The following ZCCHC14 variants were observed in gnomAD, a reference collection of about 807,000 sequenced individuals.
ZCCHC14 encodes zinc finger CCHC domain-containing protein 14.
A neutral mutation model predicts 85.0 loss-of-function variants in ZCCHC14; 16 were observed. The ratio of observed to expected loss-of-function variants is 0.19; its 90% confidence interval spans 0.13 to 0.29. The LOEUF is 0.29. Among genes scored for constraint, ZCCHC14 ranks in the 10% least tolerant of loss-of-function variants. The probability of loss-of-function intolerance (pLI) is 1.00; values close to 1 mark genes in which losing one functional copy is unlikely to be tolerated. For synonymous variants in ZCCHC14, 775 were observed against 630.7 expected, an observed-to-expected ratio of 1.23 and a Z score of -3.43; for missense variants, 1,303 against 1,443.5, an observed-to-expected ratio of 0.90 and a Z score of 1.58.
chr16:87,488,658 G>A (rs546705396), intron 1 of ZCCHC14, among the ~76,000 whole-genome samples: 1 of 152,138 alleles, frequency 6.6e-6, no homozygotes, highest in Non-Finnish European at 1.5e-5. Context: ...CTCACCTACA[G>A]CCTCTACCTC....
intron 3 of ZCCHC14, among the ~76,000 whole-genome samples, chr16:87,428,333 A>C (rs1178824361): frequency 6.6e-6 from 1 of 152,210 alleles, no homozygotes; most frequent in South Asian, 2.1e-4. Context: ...TTTTAGAAAA[A>C]AACGTTTCTT....
At chr16:87,481,125 AG>A (rs2150775493) in intron 1 of ZCCHC14, among the ~76,000 whole-genome samples, 1 of 152,278 alleles carries the variant, frequency 6.6e-6, no homozygotes, top group East Asian at 1.9e-4. Flanking sequence ...GACCCAGGCC[AG>A]GGAGACCAAA....
chr16:87,451,616 G>A (rs943321256), intron 2 of ZCCHC14, among the ~76,000 whole-genome samples: 2 of 152,190 alleles, frequency 1.3e-5, no homozygotes, highest in African/African-American at 4.8e-5. Flanking sequence ...TAAGCGCAGC[G>A]CCAGCCATAA....
At chr16:87,431,472 G>GAAAAAAAAAA (rs537437083) in intron 3 of ZCCHC14, among the ~76,000 whole-genome samples, 4 of 76,726 alleles carry the variant, frequency 5.2e-5, no homozygotes, top group Non-Finnish European at 8.6e-5. Context: ...GGCTCTGTCT[G>GAAAAAAAAAA]AAAAAAAAAA....
chr16:87,429,932 T>TTTTGAGAA (rs1909566143), intron 3 of ZCCHC14, among the ~76,000 whole-genome samples: 1 of 152,222 alleles, frequency 6.6e-6, no homozygotes, highest in Non-Finnish European at 1.5e-5. Flanking sequence ...TAAAAAAAAG[T>TTTTGAGAA]TTTGAGAATT....
intron 6 of ZCCHC14, 55 bp downstream of exon 6, chr16:87,419,728 G>A (rs1325193461): frequency 8.5e-6 from 12 of 1,411,258 alleles, no homozygotes; most frequent in Middle Eastern, 2.2e-4. Context: ...GAGCCACTGC[G>A]CCCAGCTGTT....
intron 3 of ZCCHC14, among the ~76,000 whole-genome samples, chr16:87,432,559 G>C (rs1909714682): frequency 6.6e-6 from 1 of 152,144 alleles, no homozygotes; most frequent in African/African-American, 2.4e-5. Flanking sequence ...CTCAGGTTCT[G>C]ATGGGGTACA....
rs931421467 is a variant in ZCCHC14 at position 87,411,663 on chromosome 16, C to T, written c.3058G>A (p.Ala1020Thr). 3 of 1,613,916 alleles carry T rather than the reference C, an allele frequency of 1.9e-6. No individual in the cohort carries two copies. In the African/African-American group the frequency reaches 4.0e-5, roughly 22 times the overall value. ...PPMQNFMAGT[A>T]GVYQTQGLVG... ...AGTCCTTGGGTCTGGTACACCCCTG[C>T]TGTCCCTGCCATGAAGTTCTGCATG... The change falls in exon 12 of 13, where the codon GCA (alanine) becomes ACA (threonine). Residue 1020 changes from alanine (A) to threonine (T), a missense_variant. Physicochemically the swap from Ala to Thr is moderately conservative, Grantham distance 58. Coordinates refer to ENST00000671377, the MANE Select transcript of ZCCHC14 (RefSeq NM_015144.3).
intron 2 of ZCCHC14, among the ~76,000 whole-genome samples, chr16:87,451,017 G>C (rs1910673862): frequency 1.3e-5 from 2 of 151,966 alleles, no homozygotes; most frequent in African/African-American, 4.8e-5. Flanking sequence ...TCCTGCCTTA[G>C]CCTCCCGAGT....
chr16:87,462,149 C>A (rs1167683856), intron 1 of ZCCHC14, among the ~76,000 whole-genome samples: 1 of 150,414 alleles, frequency 6.6e-6, no homozygotes, highest in Non-Finnish European at 1.5e-5. Flanking sequence ...CCTAGCCATG[C>A]AGCAACTCCT....
At position 87,408,011 on chromosome 16, in the gene ZCCHC14, G is replaced by A. The variant is rs902839913; in HGVS notation, c.*2269C>T. On this transcript the variant is annotated 3_prime_UTR_variant, in exon 13 of 13. Transcript: ENST00000671377. ...CACGCCGCCCATGCACGTTCAAGAC[G>A]ACTGGCAGCTCCGCAGAGGCCTTCG... The A allele has an allele frequency of 5.9e-5, 9 of 152,662 alleles. No individual in the cohort carries two copies. Among genetic ancestry groups the A allele is most frequent in the African/African-American group, 1.7e-4 (7 of 41,456 alleles). 9.5% of individuals were successfully genotyped at this position (152,662 alleles called of 1,614,324 possible). A position where few individuals can be genotyped will look rare whatever the true frequency, so the allele number is the denominator to read the frequency against.
At chr16:87,443,905 C>T (rs188873311) in intron 2 of ZCCHC14, among the ~76,000 whole-genome samples, 152 of 152,038 alleles carry the variant, frequency 1.0e-3, no homozygotes, top group African/African-American at 3.6e-3. Flanking sequence ...GGTGTGATGG[C>T]CCATGCCTGT....
At chr16:87,433,070 GGTAA>G in intron 3 of ZCCHC14, 54 bp downstream of exon 3, 1 of 1,546,160 alleles carries the variant, frequency 6.5e-7, no homozygotes, top group Middle Eastern at 1.7e-4. Flanking sequence ...GCATCTCCAG[GGTAA>G]GTGTTTTCTT....
At chr16:87,489,904 G>A (rs1052327269) in intron 1 of ZCCHC14, among the ~76,000 whole-genome samples, 3 of 151,810 alleles carry the variant, frequency 2.0e-5, no homozygotes, top group South Asian at 2.1e-4. Flanking sequence ...TGTAGCAACA[G>A]CCATAGAAAT....
chr16:87,492,822 G>A lies in ZCCHC14; in HGVS notation c.-584C>T, dbSNP rs1267209995. The stretch of plus-strand genomic sequence containing the variant: ...CGCGAAACGGACGCTGGAGGGGGAG[G>A]GACGCGCGGCGGGAGGCGCGGAGGG... On this transcript the variant is annotated 5_prime_UTR_variant, in exon 1 of 13. Coordinates refer to ENST00000671377, the MANE Select transcript of ZCCHC14 (RefSeq NM_015144.3). This position sits in a 1 kb window ranked among gnomAD's most constrained non-coding sequence, Gnocchi z 6.7. Among the ~76,000 whole-genome samples, 3 of 147,636 alleles carry A rather than the reference G, an allele frequency of 2.0e-5. No individual in the cohort carries two copies. Among genetic ancestry groups the A allele is most frequent in the Admixed American group, 1.3e-4 (2 of 14,880 alleles).
In ZCCHC14 at chr16:87,412,735, G is replaced by A. The variant is rs373404629; in HGVS notation, c.1986C>T (p.Leu662=). ...KPERGSADMK[L]LSSSVHSLLS... ...AAAGTGAGTGCACAGAAGACGAGAG[G>A]AGCTTCATGTCCGCGCTCCCTCTTT... Residue 662 remains leucine, a synonymous_variant, in exon 12 of 13, where the codon CTC becomes CTT. Coordinates refer to ENST00000671377, the MANE Select transcript of ZCCHC14 (RefSeq NM_015144.3). 8 of 1,614,088 alleles carry A rather than the reference G, an allele frequency of 5.0e-6. No individual in the cohort carries two copies. The highest frequency in any genetic ancestry group is 5.9e-6 in the Non-Finnish European group (7 of 1,180,044).
Position 87,412,644 on chromosome 16 carries a change from C to G in ZCCHC14, c.2077G>C (p.Gly693Arg), listed in dbSNP as rs760158105. 15 of 1,614,088 alleles carry G rather than the reference C, an allele frequency of 9.3e-6. No homozygotes were observed. In the South Asian group the frequency reaches 1.5e-4, roughly 17 times the overall value. The change falls in exon 12 of 13, where the codon GGC (glycine) becomes CGC (arginine). Residue 693 changes from glycine (G) to arginine (R), a missense_variant. Transcript: ENST00000671377. ...GGCAGCACGTCCATCATGGCGCTGC[C>G]AAAGCTCTTGTCCACTTTCATGCTG... ...RSSMKVDKSF[G>R]SAMMDVLPAS...
Position 87,491,571 on chromosome 16 carries a change from G to A in ZCCHC14, c.570+98C>T. ...TGGGAGCTCTCAGTGCAGGCTGGAG[G>A]CGTGGGTCGGGGGGTCGCGGTGCAG... is the stretch of plus-strand genomic sequence containing the variant. On this transcript the variant is annotated intron_variant, in intron 1 of 12. Coordinates refer to ENST00000671377, the MANE Select transcript of ZCCHC14 (RefSeq NM_015144.3). This position sits in a 1 kb window ranked among gnomAD's most constrained non-coding sequence, Gnocchi z 5.9. 2 of 1,136,060 alleles carry A rather than the reference G, an allele frequency of 1.8e-6. No homozygotes were observed. Among genetic ancestry groups the A allele is most frequent in the South Asian group, 2.1e-5 (1 of 47,380 alleles). The allele number at this position is 1,136,060 out of a possible 1,614,324, so 70.4% of individuals were successfully genotyped here.
chr16:87,486,139 A>G (rs1912504740), intron 1 of ZCCHC14, among the ~76,000 whole-genome samples: 1 of 152,220 alleles, frequency 6.6e-6, no homozygotes, highest in African/African-American at 2.4e-5. Context: ...GACAGTAATT[A>G]AAGTACCACA....
Sources: gnomAD v4.1 joint callset for allele counts (sites outside exome capture counted in the v4.1 genomes callset) on GRCh38, gnomAD v4.1.1 for gene constraint, Gnocchi (gnomAD v3.1) non-coding constraint, MANE v1.5 for transcripts, NCBI Gene and HGNC (gene_info 2026-07-23, HGNC 2026-07-21) for gene names.